GPC6: variants seen among roughly 807,000 people sequenced by gnomAD.
GPC6 encodes the protein glypican-6.
Under a neutral mutation model 55.2 loss-of-function variants are expected in GPC6, and 14 were observed. That is an observed-to-expected ratio of 0.25 (90% CI 0.17 to 0.40). The LOEUF is 0.40. Among genes scored for constraint, GPC6 ranks in the 10% least tolerant of loss-of-function variants. The probability of loss-of-function intolerance (pLI) is 1.00; values close to 1 mark genes in which losing one functional copy is unlikely to be tolerated. For synonymous variants in GPC6, 278 were observed against 259.6 expected (o/e 1.07, Z -0.68); for missense variants, 641 against 708.5 (o/e 0.90, Z 1.08).
chr13:93,322,367 T>G (rs1001302304), intron 1 of GPC6, among the ~76,000 whole-genome samples: 1 of 151,868 alleles, frequency 6.6e-6, no homozygotes, highest in African/African-American at 2.4e-5. Context: ...ATCCCACTTA[T>G]AAGTGAGAAC....
chr13:93,399,104 T>C (rs1361713146), intron 1 of GPC6, among the ~76,000 whole-genome samples: 1 of 151,824 alleles, frequency 6.6e-6, no homozygotes, highest in African/African-American at 2.4e-5. Context: ...GCAAGGAATT[T>C]CTCTCACATT....
intron 2 of GPC6, among the ~76,000 whole-genome samples, chr13:93,649,584 T>C (rs1880323891): frequency 6.6e-6 from 1 of 152,162 alleles, no homozygotes; most frequent in South Asian, 2.1e-4. Context: ...AAAAAAATGG[T>C]GAGATCTTAT....
At chr13:93,735,401 C>T (rs1395024356) in intron 2 of GPC6, among the ~76,000 whole-genome samples, 4 of 151,780 alleles carry the variant, frequency 2.6e-5, no homozygotes, top group Non-Finnish European at 5.9e-5. Flanking sequence ...GGCATGGTGG[C>T]GGGTGCCTGT....
chr13:94,140,177 C>T (rs1193210353), intron 4 of GPC6, among the ~76,000 whole-genome samples: 1 of 152,080 alleles, frequency 6.6e-6, no homozygotes, highest in East Asian at 1.9e-4. Flanking sequence ...GAAGCAAGTG[C>T]AGTACAAACC....
chr13:94,233,660 A>C (rs1890794760), intron 4 of GPC6, among the ~76,000 whole-genome samples: 1 of 151,938 alleles, frequency 6.6e-6, no homozygotes, highest in Admixed American at 6.6e-5. Flanking sequence ...AGCCGCCTTG[A>C]TTTTCAGATT....
chr13:93,282,381 C>A (rs1450961427), intron 1 of GPC6, among the ~76,000 whole-genome samples: 1 of 152,024 alleles, frequency 6.6e-6, no homozygotes, highest in African/African-American at 2.4e-5. Flanking sequence ...TACCAAACCC[C>A]CTCATCCTCT....
At chr13:93,293,968 C>T (rs1305065382) in intron 1 of GPC6, among the ~76,000 whole-genome samples, 1 of 152,186 alleles carries the variant, frequency 6.6e-6, no homozygotes, top group Non-Finnish European at 1.5e-5. Context: ...GATCCCTTTT[C>T]ATGTCTAGCT....
intron 1 of GPC6, among the ~76,000 whole-genome samples, chr13:93,531,520 C>G (rs1437288704): frequency 6.6e-6 from 1 of 152,086 alleles, no homozygotes; most frequent in Non-Finnish European, 1.5e-5. Flanking sequence ...TGAGGGTGAT[C>G]TCCTTTACTT....
At chr13:93,804,803 A>G (rs1886492025) in intron 2 of GPC6, among the ~76,000 whole-genome samples, 1 of 152,062 alleles carries the variant, frequency 6.6e-6, no homozygotes, top group Non-Finnish European at 1.5e-5. Flanking sequence ...ACTCCAGTCC[A>G]GTTTGGGCTT....
At chr13:93,754,207 C>A (rs552280649) in intron 2 of GPC6, among the ~76,000 whole-genome samples, 1 of 152,242 alleles carries the variant, frequency 6.6e-6, no homozygotes, top group East Asian at 1.9e-4. Context: ...CCAGTTTTTA[C>A]CTAATATGTC....
chr13:93,852,382 C>A lies in GPC6; in HGVS notation c.711+21837C>A, dbSNP rs28460048. Among the ~76,000 whole-genome samples the A allele has an allele frequency of 6.3e-3, 950 of 151,802 alleles. 14 individuals are homozygous for A. Among genetic ancestry groups the A allele is most frequent in the African/African-American group, 0.022 (913 of 41,488 alleles). On this transcript the variant is annotated intron_variant, in intron 3 of 8. Coordinates refer to ENST00000377047, the MANE Select transcript of GPC6 (RefSeq NM_005708.5). ...ACATTCCTATTCTGTTCTCTGTATT[C>A]TCTCCAAAGTATCTTTAAGGCTACA...
chr13:93,515,226 T>C (rs2139391037), intron 1 of GPC6, among the ~76,000 whole-genome samples: 1 of 152,276 alleles, frequency 6.6e-6, no homozygotes. Flanking sequence ...ATGCCAAATC[T>C]GCTGGCACCT....
chr13:93,850,447 A>T (rs1296875906), intron 3 of GPC6, among the ~76,000 whole-genome samples: 1 of 152,002 alleles, frequency 6.6e-6, no homozygotes, highest in African/African-American at 2.4e-5. Flanking sequence ...TTATTTTGCC[A>T]GTCACAGATT....
intron 4 of GPC6, among the ~76,000 whole-genome samples, chr13:94,192,214 G>A (rs950395389): frequency 1.3e-5 from 2 of 152,154 alleles, no homozygotes; most frequent in African/African-American, 4.8e-5. Flanking sequence ...TGTGTTAACA[G>A]ATAAATGGCT....
intron 1 of GPC6, among the ~76,000 whole-genome samples, chr13:93,443,966 T>C (rs969153596): frequency 2.0e-5 from 3 of 152,208 alleles, no homozygotes; most frequent in Non-Finnish European, 4.4e-5. Flanking sequence ...GTAACCATTA[T>C]ATCCGCTTGG....
chr13:94,300,456 C>T (rs1875589787), intron 5 of GPC6, among the ~76,000 whole-genome samples: 1 of 152,182 alleles, frequency 6.6e-6, no homozygotes, highest in Non-Finnish European at 1.5e-5. Flanking sequence ...TCCCATCCCT[C>T]CAGAATTATA....
intron 4 of GPC6, among the ~76,000 whole-genome samples, chr13:94,257,288 A>T (rs955188461): frequency 2.0e-5 from 3 of 152,200 alleles, no homozygotes; most frequent in Non-Finnish European, 2.9e-5. Flanking sequence ...CCTAGGCCCA[A>T]AGCACACAGA....
intron 4 of GPC6, among the ~76,000 whole-genome samples, chr13:94,205,076 G>A (rs1889863195): frequency 6.6e-6 from 1 of 152,182 alleles, no homozygotes; most frequent in African/African-American, 2.4e-5. Flanking sequence ...CATATGTAAT[G>A]TGATATAAAA....
intron 4 of GPC6, among the ~76,000 whole-genome samples, chr13:94,032,258 A>T (rs1206589252): frequency 6.6e-6 from 1 of 152,228 alleles, no homozygotes; most frequent in Admixed American, 6.5e-5. Flanking sequence ...GGAATTTAAC[A>T]TAGTTAAAAT....
Sources: allele counts gnomAD v4.1 joint callset (sites outside exome capture counted in the v4.1 genomes callset), GRCh38; gene constraint gnomAD v4.1.1; transcripts MANE v1.5; gene names NCBI Gene and HGNC (gene_info 2026-07-23, HGNC 2026-07-21).